KLHDC4: variants seen among roughly 807,000 people sequenced by gnomAD.
KLHDC4 encodes the protein kelch domain containing 4.
In KLHDC4, 90 loss-of-function variants were observed where a neutral mutation model predicts 62.4. The observed-to-expected ratio is 1.44, with a 90% CI of 1.22 to 1.72. KLHDC4 has a LOEUF of 1.72. KLHDC4 is among the 40% of genes most tolerant of loss of function. KLHDC4 has a pLI of 0.00. For synonymous variants in KLHDC4, 386 were observed against 284.4 expected, an observed-to-expected ratio of 1.36 and a Z score of -3.59; for missense variants, 1,025 against 699.7, an observed-to-expected ratio of 1.47 and a Z score of -5.25.
Position 87,762,045 on chromosome 16 carries a change from G to A in KLHDC4, c.100-5C>T. ...TATGAGCGCTTCCAGGTCTTCCTAG[G>A]GCAAGCAAGCAGGCACACGTGAGAC... On this transcript the variant is annotated splice_polypyrimidine_tract_variant and splice_region_variant and intron_variant, in intron 1 of 11. Coordinates refer to ENST00000270583, the MANE Select transcript of KLHDC4 (RefSeq NM_017566.4). 6.2e-7 allele frequency: 1 copy of A among 1,613,084 alleles called. No homozygotes were observed. The highest frequency in any genetic ancestry group is 8.5e-7 in the Non-Finnish European group (1 of 1,179,592).
At chr16:87,732,286 G>A (rs1407103686) in intron 5 of KLHDC4, among the ~76,000 whole-genome samples, 2 of 151,890 alleles carry the variant, frequency 1.3e-5, no homozygotes, top group Non-Finnish European at 2.9e-5. Context: ...AGTAGAGATG[G>A]GGTTTCATCA....
intron 5 of KLHDC4, among the ~76,000 whole-genome samples, chr16:87,736,247 T>C (rs2041286797): frequency 6.6e-6 from 1 of 152,186 alleles, no homozygotes; most frequent in Admixed American, 6.5e-5. Flanking sequence ...TCTAAGCCAC[T>C]GTAACACAAT....
intron 7 of KLHDC4, among the ~76,000 whole-genome samples, chr16:87,715,721 T>C (rs917991265): frequency 6.6e-6 from 1 of 152,140 alleles, no homozygotes; most frequent in African/African-American, 2.4e-5. Flanking sequence ...CCATCAAGGG[T>C]CCACACCATC....
chr16:87,721,414 T>TAAAAAAA (rs1176744434), intron 7 of KLHDC4, among the ~76,000 whole-genome samples: 5 of 78,908 alleles, frequency 6.3e-5, no homozygotes, highest in East Asian at 3.4e-4. Context: ...ACTCTGTCTC[T>TAAAAAAA]AAAAAAAAAA....
intron 5 of KLHDC4, chr16:87,739,646 C>T (rs527559193): frequency 6.6e-6 from 1 of 152,216 alleles, no homozygotes; most frequent in Admixed American, 6.6e-5. Flanking sequence ...ACCAGCACGT[C>T]ATACATCCAC....
At chr16:87,744,500 T>G (rs1026639055) in intron 5 of KLHDC4, among the ~76,000 whole-genome samples, 1 of 151,714 alleles carries the variant, frequency 6.6e-6, no homozygotes, top group Non-Finnish European at 1.5e-5. Flanking sequence ...CAAGAATGGC[T>G]TGAACCAGCG....
Position 87,701,558 on chromosome 16 carries a change from T to C in KLHDC4, c.*81A>G, listed in dbSNP as rs553288430. On this transcript the variant is annotated 3_prime_UTR_variant, in exon 1 of 1. Transcript: ENST00000446344. Reference sequence around the variant, plus strand: ...ACAGTGTGGGCGTGAGCTCACCCCATGTGTAGCCGGGTGCTGGGCCCAGGC... The same window carrying C: ...ACAGTGTGGGCGTGAGCTCACCCCACGTGTAGCCGGGTGCTGGGCCCAGGC... 78 of 402,828 alleles carry C rather than the reference T, an allele frequency of 1.9e-4. No homozygotes were observed. The East Asian group carries it at 5.2e-3, about 27-fold the overall frequency. The allele number at this position is 402,828 out of a possible 1,614,324, so 25.0% of individuals were successfully genotyped here. A position where few individuals can be genotyped will look rare whatever the true frequency, so the allele number is the denominator to read the frequency against.
Position 87,714,631 on chromosome 16 carries a change from C to T in KLHDC4, c.760-58G>A, listed in dbSNP as rs1484092765. On this transcript the variant is annotated intron_variant, in intron 7 of 11. Transcript: ENST00000270583. ...GGCAGCTACAGTGGTTGCTTACAGA[C>T]CCCCCAACCCTGTGGGCGCATTTTG... 7 of 1,569,318 alleles carry T rather than the reference C, an allele frequency of 4.5e-6. No homozygotes were observed. The African/African-American group carries it at 5.4e-5, about 12-fold the overall frequency.
intron 4 of KLHDC4, chr16:87,750,170 T>C (rs1228654911): frequency 1.3e-5 from 2 of 152,212 alleles, no homozygotes; most frequent in Non-Finnish European, 2.9e-5. Flanking sequence ...AAGAGCTGCT[T>C]GGACAGACTG....
intron 1 of KLHDC4, among the ~76,000 whole-genome samples, 154 bp downstream of exon 1, chr16:87,765,638 G>C (rs911190723): frequency 3.9e-5 from 6 of 152,108 alleles, no homozygotes; most frequent in Non-Finnish European, 8.8e-5. Flanking sequence ...TGGGCTGCCC[G>C]GACGCGGCGC....
At position 87,731,684 on chromosome 16, in the gene KLHDC4, C is replaced by T. The variant is rs749386787; in HGVS notation, c.507-1040G>A. Among the ~76,000 whole-genome samples the T allele has an allele frequency of 9.6e-4, 146 of 152,056 alleles. 4 individuals carry two copies. Among genetic ancestry groups the T allele is most frequent in the Non-Finnish European group, 5.9e-4 (40 of 68,010 alleles). On this transcript the variant is annotated intron_variant, in intron 5 of 11. Coordinates refer to ENST00000270583, the MANE Select transcript of KLHDC4 (RefSeq NM_017566.4). ...AACGGTGAAACATAAACTTAGCGCA[C>T]AGCTTAGCAATCTGACATAAGACAT...
intron 7 of KLHDC4, among the ~76,000 whole-genome samples, chr16:87,721,414 TA>T (rs1176744434): frequency 0.016 from 1,257 of 78,886 alleles, 20 homozygotes; most frequent in African/African-American, 0.05. Flanking sequence ...ACTCTGTCTC[TA>T]AAAAAAAAAA....
chr16:87,756,721 C>CAAAAA (rs35385743), intron 2 of KLHDC4, among the ~76,000 whole-genome samples: 4 of 98,804 alleles, frequency 4.0e-5, no homozygotes, highest in African/African-American at 1.4e-4. Flanking sequence ...GTTGTATTAA[C>CAAAAA]AAAAAAAAAA....
intron 6 of KLHDC4, among the ~76,000 whole-genome samples, chr16:87,730,202 C>A (rs2040096563): frequency 6.6e-6 from 1 of 152,246 alleles, no homozygotes; most frequent in Non-Finnish European, 1.5e-5. Flanking sequence ...GATCCACCCG[C>A]CTCAGCCTCC....
chr16:87,738,282 T>C (rs150771947), intron 5 of KLHDC4, among the ~76,000 whole-genome samples: 11 of 152,186 alleles, frequency 7.2e-5, no homozygotes, highest in Non-Finnish European at 1.2e-4. Flanking sequence ...AGATGCAGCT[T>C]TAGCTGAGGA....
chr16:87,699,897 C>T (rs577071644), exon 1 of KLHDC4: 5 of 152,372 alleles, frequency 3.3e-5, no homozygotes, highest in East Asian at 3.9e-4. Context: ...ACCCCCAAGG[C>T]GCTGCAGACC....
exon 14 of KLHDC4, chr16:87,702,078 AC>A: frequency 2.2e-6 from 1 of 456,046 alleles, no homozygotes; most frequent in Non-Finnish European, 4.4e-6. Context: ...AGAACTTGTG[AC>A]CCCCGAGATC....
intron 8 of KLHDC4, 112 bp from the exon 9 acceptor site, chr16:87,711,555 C>T (rs1241222920): frequency 9.0e-6 from 8 of 887,326 alleles, no homozygotes; most frequent in African/African-American, 8.5e-5. Context: ...AAATGAAAAC[C>T]GTGAGACTGT....
chr16:87,704,623 A>C (rs979061384), downstream of KLHDC4, among the ~76,000 whole-genome samples: 9 of 151,840 alleles, frequency 5.9e-5, no homozygotes, highest in Non-Finnish European at 1.2e-4. Flanking sequence ...GGTCCTGGGG[A>C]GGGTCTCTCT....
Sources: allele counts gnomAD v4.1 joint callset (sites outside exome capture counted in the v4.1 genomes callset), GRCh38; gene constraint gnomAD v4.1.1; transcripts MANE v1.5; gene names NCBI Gene and HGNC (gene_info 2026-07-23, HGNC 2026-07-21).